The following TAPBPL variants were observed in gnomAD, a reference collection of about 807,000 sequenced individuals.
TAPBPL encodes tapasin-related protein.
In TAPBPL, 32 loss-of-function variants were observed where a neutral mutation model predicts 44.8. The observed-to-expected ratio is 0.71, with a 90% CI of 0.54 to 0.96. TAPBPL has a LOEUF of 0.96. TAPBPL is among the 40% of genes least tolerant of loss of function. The pLI is 0.00. For missense variants in TAPBPL, 520 were observed against 586.6 expected, an observed-to-expected ratio of 0.89 and a Z score of 1.17; for synonymous variants, 230 against 240.7, an observed-to-expected ratio of 0.96 and a Z score of 0.41.
At chr12:6,465,464 ATAGTGT>A (rs1353275226), downstream of TAPBPL, 2 of 111,466 alleles carry the variant, frequency 1.8e-5, no homozygotes, top group Non-Finnish European at 3.3e-5. Context: ...ATGTGTATAT[ATAGTGT>A]GTGTGTGTGT....
In TAPBPL at chr12:6,458,829, C is replaced by T. The variant is rs748681549; in HGVS notation, c.1089C>T (p.Tyr363=). The T allele has an allele frequency of 3.1e-6, 5 of 1,614,178 alleles. No homozygotes were observed. In the South Asian group the frequency reaches 4.4e-5, roughly 14 times the overall value. The change falls in exon 5 of 7, where the codon TAC becomes TAT. Residue 363 remains tyrosine (Y), a synonymous_variant. Transcript: ENST00000266556. ...SSLRQSVAGT[Y]SISSSLTAEP... ...TCAGGCAAAGCGTGGCAGGCACCTA[C>T]AGCATCTCCTCCTCTCTCACCGCAG...
At chr12:6,466,384 G>T (rs1296151655), downstream of TAPBPL, 1 of 1,588,882 alleles carries the variant, frequency 6.3e-7, no homozygotes, top group Non-Finnish European at 8.6e-7. Context: ...TACACAAAGT[G>T]ACCAAGACAA....
At chr12:6,462,843 C>A, downstream of TAPBPL, 2 of 1,606,634 alleles carry the variant, frequency 1.2e-6, no homozygotes, top group Non-Finnish European at 1.7e-6. Flanking sequence ...CAGTCCCGCC[C>A]TTGGGCAGGA....
At chr12:6,455,383 G>C (rs749315955) in intron 3 of TAPBPL, among the ~76,000 whole-genome samples, 1 of 152,156 alleles carries the variant, frequency 6.6e-6, no homozygotes, top group Non-Finnish European at 1.5e-5. Context: ...AACCAAAGTG[G>C]GGAAGTAGTC....
chr12:6,462,664 C>T, downstream of TAPBPL: 1 of 741,256 alleles, frequency 1.3e-6, no homozygotes, highest in Non-Finnish European at 2.2e-6. Context: ...TGTGATAGGG[C>T]TGGGAGAGCC....
At chr12:6,460,016 C>T (rs935154811) in intron 5 of TAPBPL, among the ~76,000 whole-genome samples, 6 of 151,158 alleles carry the variant, frequency 4.0e-5, no homozygotes, top group Admixed American at 6.6e-5. Context: ...GTGATCTGTC[C>T]GCCTCGGCTT....
downstream of TAPBPL, chr12:6,464,142 C>T: frequency 5.1e-6 from 7 of 1,384,452 alleles, no homozygotes; most frequent in Non-Finnish European, 6.7e-6. Context: ...TTCATGGGTA[C>T]TTCGCCTCAG....
downstream of TAPBPL, chr12:6,465,179 T>C: frequency 3.7e-6 from 2 of 543,792 alleles, no homozygotes; most frequent in East Asian, 4.5e-5. Flanking sequence ...AGCTCCTTTT[T>C]GCTTAGTTCC....
chr12:6,453,777 G>C lies in TAPBPL; in HGVS notation c.565+61G>C. 2 of 1,485,730 alleles carry C rather than the reference G, an allele frequency of 1.3e-6. No homozygotes were observed. The highest frequency in any genetic ancestry group is 4.7e-5 in the East Asian group (2 of 42,500). The allele number at this position is 1,485,730 out of a possible 1,614,324, so 92.0% of individuals were successfully genotyped here. On this transcript the variant is annotated intron_variant, in intron 3 of 6. Coordinates refer to ENST00000266556, the MANE Select transcript of TAPBPL (RefSeq NM_018009.5). This position sits in a 1 kb window ranked among gnomAD's most constrained non-coding sequence, Gnocchi z 4.8. ...TCACGCCTGTAATTCCAGAATTTTG[G>C]GATACCGAGGTCGGTGGATCACCTG...
At chr12:6,462,734 G>GCCA, downstream of TAPBPL, 1 of 1,297,788 alleles carries the variant, frequency 7.7e-7, no homozygotes, top group Non-Finnish European at 1.1e-6. Flanking sequence ...TTCTTCTCCA[G>GCCA]CGGTGACCCC....
chr12:6,470,485 G>A (rs372266511), downstream of TAPBPL: 36 of 1,613,496 alleles, frequency 2.2e-5, no homozygotes, highest in Non-Finnish European at 3.1e-5. Flanking sequence ...CTTGGGGCGA[G>A]AGTTGTCAAG....
chr12:6,470,617 G>C (rs1945750515), downstream of TAPBPL: 2 of 1,571,844 alleles, frequency 1.3e-6, no homozygotes, highest in Non-Finnish European at 8.7e-7. Context: ...TGAAGTGGAC[G>C]GAACTGCCAA....
chr12:6,452,010 G>A, upstream of TAPBPL: 1 of 570,200 alleles, frequency 1.8e-6, no homozygotes, highest in Non-Finnish European at 3.2e-6. Flanking sequence ...GGTGAGAAAG[G>A]AAACAGCAAG....
chr12:6,454,405 T>C (rs1465333840), intron 3 of TAPBPL, among the ~76,000 whole-genome samples: 2 of 152,114 alleles, frequency 1.3e-5, no homozygotes, highest in Non-Finnish European at 2.9e-5. Context: ...GAGACGGTGG[T>C]TGCAGTGAGC....
At chr12:6,465,443 TATATATAC>T, downstream of TAPBPL, 1 of 139,680 alleles carries the variant, frequency 7.2e-6, no homozygotes, top group Non-Finnish European at 1.3e-5. Flanking sequence ...TATATATATG[TATATATAC>T]ATATGTGTAT....
In TAPBPL at chr12:6,460,898, C is replaced by T. The variant is rs1282346786; in HGVS notation, c.1251C>T (p.Phe417=). Residue 417 remains phenylalanine, a synonymous_variant, in exon 6 of 7, where the codon TTC becomes TTT. Transcript: ENST00000266556. ...ALGVIFASSL[F]LLALMFLGLQ... Reference sequence around the variant, plus strand: ...GAGTCATCTTTGCCAGCAGTCTCTTCCTTCTTGCACTGATGTTCCTGGGGC... The same window carrying T: ...GAGTCATCTTTGCCAGCAGTCTCTTTCTTCTTGCACTGATGTTCCTGGGGC... 2 of 1,614,056 alleles carry T rather than the reference C, an allele frequency of 1.2e-6. No individual in the cohort carries two copies. The highest frequency in any genetic ancestry group is 1.1e-5 in the South Asian group (1 of 91,084).
chr12:6,464,094 T>G (rs562091139), downstream of TAPBPL: 2 of 1,311,080 alleles, frequency 1.5e-6, no homozygotes, highest in Admixed American at 2.3e-5. Context: ...GAAGTCACCA[T>G]GGGCACCGAT....
downstream of TAPBPL, among the ~76,000 whole-genome samples, chr12:6,470,344 G>T (rs1442022224): frequency 6.6e-6 from 1 of 151,694 alleles, no homozygotes; most frequent in Non-Finnish European, 1.5e-5. Flanking sequence ...TGCTAGCTGT[G>T]GCTGGTGCGA....
chr12:6,464,504 G>A, downstream of TAPBPL: 1 of 1,500,370 alleles, frequency 6.7e-7, no homozygotes, highest in Non-Finnish European at 8.9e-7. Context: ...CAGGAATCAG[G>A]AAGTCCCAGA....
Sources: gnomAD v4.1 joint callset for allele counts (sites outside exome capture counted in the v4.1 genomes callset) on GRCh38, gnomAD v4.1.1 for gene constraint, Gnocchi (gnomAD v3.1) non-coding constraint, MANE v1.5 for transcripts, NCBI Gene and HGNC (gene_info 2026-07-23, HGNC 2026-07-21) for gene names.